The following FBXO10 variants were observed in gnomAD, a reference collection of about 807,000 sequenced individuals.
The protein encoded by FBXO10 is F-box only protein 10.
A neutral mutation model predicts 80.7 loss-of-function variants in FBXO10; 39 were observed. The observed-to-expected ratio is 0.48, with a 90% CI of 0.37 to 0.63. FBXO10 has a LOEUF of 0.63. Ranked by LOEUF, FBXO10 falls within the 30% of genes least tolerant of loss-of-function variation. The pLI is 0.00. For missense variants in FBXO10, 1,025 were observed against 1,269.0 expected, an observed-to-expected ratio of 0.81 and a Z score of 2.92; for synonymous variants, 449 against 489.6, an observed-to-expected ratio of 0.92 and a Z score of 1.09.
intron 3 of FBXO10, among the ~76,000 whole-genome samples, chr9:37,533,020 G>A (rs1821668608): frequency 6.6e-6 from 1 of 152,146 alleles, no homozygotes. Flanking sequence ...CCCTGGGGTG[G>A]AAAACTACTG....
At chr9:37,553,257 T>C (rs1420140719) in intron 1 of FBXO10, among the ~76,000 whole-genome samples, 1 of 152,036 alleles carries the variant, frequency 6.6e-6, no homozygotes, top group Admixed American at 6.6e-5. Context: ...GGCCAGATGG[T>C]CTCGATCTCT....
intron 10 of FBXO10, among the ~76,000 whole-genome samples, chr9:37,513,280 T>C (rs1244603631): frequency 1.3e-5 from 2 of 152,170 alleles, no homozygotes; most frequent in Non-Finnish European, 2.9e-5. Context: ...ATTATAGGTG[T>C]GTGCCACGGT....
intron 1 of FBXO10, among the ~76,000 whole-genome samples, chr9:37,552,805 A>G (rs1165464014): frequency 6.6e-6 from 1 of 152,130 alleles, no homozygotes; most frequent in Non-Finnish European, 1.5e-5. Flanking sequence ...CTGTTCTTAG[A>G]TGGTGGAAGG....
chr9:37,514,693 G>A (rs1351127238), intron 10 of FBXO10, among the ~76,000 whole-genome samples: 1 of 152,100 alleles, frequency 6.6e-6, no homozygotes. Context: ...AATCAGCCGG[G>A]AGTGGTGGTG....
chr9:37,519,473 A>AC (rs58405478), intron 8 of FBXO10, among the ~76,000 whole-genome samples: 2 of 150,786 alleles, frequency 1.3e-5, no homozygotes, highest in African/African-American at 2.4e-5. Flanking sequence ...TCTGCCCACC[A>AC]ACAGCAACAA....
At chr9:37,550,552 C>G (rs1437648376) in intron 1 of FBXO10, among the ~76,000 whole-genome samples, 2 of 151,064 alleles carry the variant, frequency 1.3e-5, no homozygotes, top group Admixed American at 1.3e-4. Flanking sequence ...GCAATCTTGG[C>G]TCACTGTAAC....
rs189963337 is a variant in FBXO10, at chr9:37,512,656, G to A, written c.2762C>T (p.Pro921Leu). ...CTTCTGCCCATTGTGGGCTGCCGAG[G>A]GACGTCTGAGAGAATTTTCAAGGTG... ...RPHLENSLRR[P>L]SAAHNGQKVT... Residue 921 changes from proline to leucine, a missense_variant, in exon 11 of 11, where the codon CCC becomes CTC. By Grantham distance (98) the Pro-to-Leu change is moderately conservative. Coordinates refer to ENST00000432825, the MANE Select transcript of FBXO10 (RefSeq NM_012166.3). 1.9e-6 allele frequency: 3 copies of A among 1,614,004 alleles called. No homozygotes were observed. The Admixed American group carries it at 5.0e-5, about 27-fold the overall frequency.
intron 4 of FBXO10, among the ~76,000 whole-genome samples, chr9:37,531,637 C>T (rs1426578943): frequency 6.6e-6 from 1 of 152,170 alleles, no homozygotes; most frequent in Non-Finnish European, 1.5e-5. Context: ...AAGCCAACCA[C>T]AGCATATGAG....
At chr9:37,566,663 T>A (rs1256701976) in intron 1 of FBXO10, among the ~76,000 whole-genome samples, 1 of 152,174 alleles carries the variant, frequency 6.6e-6, no homozygotes, top group African/African-American at 2.4e-5. Context: ...AAAGTAAATG[T>A]CCCTAGCTTT....
At chr9:37,559,743 T>C (rs1822430361) in intron 1 of FBXO10, among the ~76,000 whole-genome samples, 1 of 152,250 alleles carries the variant, frequency 6.6e-6, no homozygotes, top group Non-Finnish European at 1.5e-5. Flanking sequence ...ATCCACAGCT[T>C]GCTTTTCTCT....
chr9:37,575,945 C>T (rs1021165702), intron 1 of FBXO10, among the ~76,000 whole-genome samples: 1 of 152,232 alleles, frequency 6.6e-6, no homozygotes, highest in African/African-American at 2.4e-5. Context: ...GCTCCGCGTC[C>T]GGTAGTTTTA....
At chr9:37,512,756 A>C (rs1325389104) in intron 10 of FBXO10, 35 bp from the exon 11 acceptor site, 2 of 1,596,800 alleles carry the variant, frequency 1.3e-6, no homozygotes, top group South Asian at 2.3e-5. Flanking sequence ...TGAACTTCTG[A>C]GGGGTGTGCA....
chr9:37,569,902 A>G (rs1300459762), intron 1 of FBXO10, among the ~76,000 whole-genome samples: 5 of 152,250 alleles, frequency 3.3e-5, no homozygotes, highest in Non-Finnish European at 7.3e-5. Context: ...TCATAAATAA[A>G]GGATAATTAG....
intron 1 of FBXO10, among the ~76,000 whole-genome samples, chr9:37,550,169 G>GTTTTTTTTTTTTTTTTTTTTTTTTTTTT (rs74171511): frequency 1.5e-5 from 1 of 68,008 alleles, no homozygotes; most frequent in Non-Finnish European, 2.9e-5. Flanking sequence ...GTCGTCTCAG[G>GTTTTTTTTTTTTTTTTTTTTTTTTTTTT]TTTTTTTTTT....
chr9:37,546,964 AGCCACC>A (rs1255061830), intron 1 of FBXO10, among the ~76,000 whole-genome samples: 1 of 152,190 alleles, frequency 6.6e-6, no homozygotes, highest in Non-Finnish European at 1.5e-5. Flanking sequence ...TACAGGCATG[AGCCACC>A]GCACCTGGCC....
chr9:37,560,157 G>T (rs1347892929), intron 1 of FBXO10, among the ~76,000 whole-genome samples: 1 of 152,184 alleles, frequency 6.6e-6, no homozygotes, highest in Non-Finnish European at 1.5e-5. Context: ...GGCCTGATCA[G>T]AGCTATATTT....
At chr9:37,557,686 C>G (rs1249294787) in intron 1 of FBXO10, among the ~76,000 whole-genome samples, 1 of 152,208 alleles carries the variant, frequency 6.6e-6, no homozygotes. Context: ...CAGATAATCT[C>G]CCTCCCACAT....
At chr9:37,540,359 G>C (rs1483629979) in intron 2 of FBXO10, among the ~76,000 whole-genome samples, 3 of 151,902 alleles carry the variant, frequency 2.0e-5, no homozygotes. Context: ...CGCTGATTTT[G>C]TATTTTTAGT....
At chr9:37,514,763 G>C (rs1486997170) in intron 10 of FBXO10, among the ~76,000 whole-genome samples, 1 of 152,138 alleles carries the variant, frequency 6.6e-6, no homozygotes, top group Non-Finnish European at 1.5e-5. Context: ...GAATCTGGGA[G>C]GAAGAGGTTG....
Sources: gnomAD v4.1 joint callset for allele counts (sites outside exome capture counted in the v4.1 genomes callset) on GRCh38, gnomAD v4.1.1 for gene constraint, MANE v1.5 for transcripts, NCBI Gene and HGNC (gene_info 2026-07-23, HGNC 2026-07-21) for gene names.